KYAT1: variants seen among roughly 807,000 people sequenced by gnomAD.
KYAT1 encodes the protein kynurenine aminotransferase 1.
A neutral mutation model predicts 52.4 loss-of-function variants in KYAT1; 47 were observed. That is an observed-to-expected ratio of 0.90 (90% CI 0.71 to 1.14). The LOEUF (loss-of-function observed/expected upper bound fraction) is 1.14, where lower values mean the gene tolerates loss of function less well. Among genes scored for constraint, KYAT1 ranks in the 50% most tolerant of loss-of-function variants. KYAT1 has a pLI of 0.00. For missense variants in KYAT1, 480 were observed against 557.9 expected, an observed-to-expected ratio of 0.86 and a Z score of 1.41; for synonymous variants, 212 against 209.6, an observed-to-expected ratio of 1.01 and a Z score of -0.10.
rs186280913 is a variant in KYAT1, at chr9:128,846,540, A to G, written c.-6-1129T>C. The G allele has an allele frequency of 1.2e-4, 66 of 559,552 alleles. 1 individual carries two copies. The highest frequency in any genetic ancestry group is 4.9e-4 in the Middle Eastern group (1 of 2,030). 34.7% of individuals were successfully genotyped at this position (559,552 alleles called of 1,614,324 possible). A position where few individuals can be genotyped will look rare whatever the true frequency, so the allele number is the denominator to read the frequency against. ...CTTGAACCTGGGAGATGGAGATTGC[A>G]GTGGGCCAAGATCGTGCCAGCCACT... On this transcript the variant is annotated intron_variant, in intron 1 of 12. Coordinates refer to ENST00000302586, the MANE Select transcript of KYAT1 (RefSeq NM_004059.5).
chr9:128,853,722 C>T (rs961858889), intron 1 of KYAT1, among the ~76,000 whole-genome samples: 19 of 152,184 alleles, frequency 1.2e-4, no homozygotes, highest in African/African-American at 3.4e-4. Flanking sequence ...ATAAAAACTT[C>T]GTGCCTTGAC....
chr9:128,868,939 CAT>C (rs889337112), intron 1 of KYAT1, among the ~76,000 whole-genome samples: 2 of 151,908 alleles, frequency 1.3e-5, no homozygotes, highest in Non-Finnish European at 2.9e-5. Flanking sequence ...CTCCTGACCT[CAT>C]GATCTGCCCA....
chr9:128,836,038 T>G lies in KYAT1; in HGVS notation c.724A>C (p.Ile242Leu). The change falls in exon 8 of 13, where the codon ATC becomes CTC. Residue 242 changes from isoleucine (I) to leucine (L), a missense_variant. By Grantham distance (5) the Ile-to-Leu change is conservative. Coordinates refer to ENST00000302586, the MANE Select transcript of KYAT1 (RefSeq NM_004059.5). Reference protein sequence around the residue: ...LPGMWERTLTIGSAGKTFSAT... With the variant: ...LPGMWERTLTLGSAGKTFSAT... ...CTGAAGGTCTTGCCGGCGCTGCCGA[T>G]GGTCAGGGTCCGTTCCCACATGCCA... is the stretch of plus-strand genomic sequence containing the variant. The G allele has an allele frequency of 6.2e-7, 1 of 1,613,860 alleles. No homozygotes were observed. Among genetic ancestry groups the G allele is most frequent in the Non-Finnish European group, 8.5e-7 (1 of 1,179,830 alleles).
In KYAT1 at chr9:128,833,363, A is replaced by G; in HGVS notation, c.*221T>C. 3.3e-6 allele frequency: 2 copies of G among 610,716 alleles called. No homozygotes were observed. Among genetic ancestry groups the G allele is most frequent in the South Asian group, 3.9e-5 (2 of 51,300 alleles). 37.8% of individuals were successfully genotyped at this position (610,716 alleles called of 1,614,324 possible). The stretch of plus-strand genomic sequence containing the variant: ...AACCCACCTATGGAGGGGCAGGGAG[A>G]GGCCCAGGTCAGGCCACCCTCACCT... On this transcript the variant is annotated 3_prime_UTR_variant, in exon 13 of 13. Coordinates refer to ENST00000302586, the MANE Select transcript of KYAT1 (RefSeq NM_004059.5).
chr9:128,867,202 C>T (rs1836515899), intron 1 of KYAT1, among the ~76,000 whole-genome samples: 1 of 152,170 alleles, frequency 6.6e-6, no homozygotes. Context: ...TGTTTTGAGA[C>T]AGGGTCTTGC....
rs369955556 is a variant in KYAT1 at position 128,840,568 on chromosome 9, GA to G, written c.201+2085del. On this transcript the variant is annotated intron_variant, in intron 3 of 12. Coordinates refer to ENST00000302586, the MANE Select transcript of KYAT1 (RefSeq NM_004059.5). ...ACCCAGCTTTTGTCTCTAGTTAAAA[GA>G]AAAAAAAAAGAAAGAAAGAAAGAAA... 1,153 of 290,212 alleles carry G rather than the reference GA, an allele frequency of 4.0e-3. 4 individuals are homozygous for G. The highest frequency in any genetic ancestry group is 0.027 in the East Asian group (252 of 9,406). 18.0% of individuals were successfully genotyped at this position (290,212 alleles called of 1,614,324 possible). A position where few individuals can be genotyped will look rare whatever the true frequency, so the allele number is the denominator to read the frequency against.
At chr9:128,843,116 G>A (rs1333695107) in intron 2 of KYAT1, among the ~76,000 whole-genome samples, 1 of 152,042 alleles carries the variant, frequency 6.6e-6, no homozygotes, top group Non-Finnish European at 1.5e-5. Context: ...GAAGTGAGCC[G>A]AGATCGCACC....
rs1475073068 is a variant in KYAT1, at chr9:128,833,381, C to CCTCA, written c.*199_*202dup. The stretch of plus-strand genomic sequence containing the variant: ...CAGGGAGAGGCCCAGGTCAGGCCAC[C>CCTCA]CTCACCTTTCAGACAGGAGGCACTT... On this transcript the variant is annotated 3_prime_UTR_variant, in exon 13 of 13. Coordinates refer to ENST00000302586, the MANE Select transcript of KYAT1 (RefSeq NM_004059.5). The CCTCA allele has an allele frequency of 3.2e-6, 2 of 634,576 alleles. No individual in the cohort carries two copies. Among genetic ancestry groups the CCTCA allele is most frequent in the Non-Finnish European group, 2.8e-6 (1 of 360,312 alleles). 39.3% of individuals were successfully genotyped at this position (634,576 alleles called of 1,614,324 possible).
rs976577809 is a variant in KYAT1 at position 128,837,899 on chromosome 9, C to T, written c.439-86G>A. On this transcript the variant is annotated intron_variant, in intron 5 of 12. Coordinates refer to ENST00000302586, the MANE Select transcript of KYAT1 (RefSeq NM_004059.5). ...AGCATCTATCCCCACCTTCTCTCCC[C>T]TGGGATCCCAACACACACACCTCCC... 10 of 1,543,302 alleles carry T rather than the reference C, an allele frequency of 6.5e-6. No homozygotes were observed. The African/African-American group carries it at 1.1e-4, about 17-fold the overall frequency.
At chr9:128,852,238 A>C (rs1157790495) in intron 1 of KYAT1, among the ~76,000 whole-genome samples, 2 of 152,210 alleles carry the variant, frequency 1.3e-5, no homozygotes, top group African/African-American at 4.8e-5. Flanking sequence ...TAATGCCATA[A>C]TACAACCCAT....
At chr9:128,841,286 C>CCT in intron 3 of KYAT1, among the ~76,000 whole-genome samples, 2 of 152,120 alleles carry the variant, frequency 1.3e-5, no homozygotes. Context: ...AGGCGAATCA[C>CCT]GAGGTCGGGA....
intron 1 of KYAT1, among the ~76,000 whole-genome samples, chr9:128,854,097 C>T (rs1834296436): frequency 6.6e-6 from 1 of 152,100 alleles, no homozygotes; most frequent in African/African-American, 2.4e-5. Context: ...TAAAGCATTT[C>T]AAAAATTCTT....
chr9:128,859,414 T>C (rs1434040867), intron 1 of KYAT1, among the ~76,000 whole-genome samples: 1 of 151,944 alleles, frequency 6.6e-6, no homozygotes. Flanking sequence ...CTGCCTGTAA[T>C]CCCAGCACTT....
At chr9:128,839,755 TACA>T (rs1360500676) in intron 3 of KYAT1, among the ~76,000 whole-genome samples, 1 of 152,214 alleles carries the variant, frequency 6.6e-6, no homozygotes, top group Non-Finnish European at 1.5e-5. Context: ...AAATTTTCTG[TACA>T]ACAAGAGGCA....
At chr9:128,849,495 T>C (rs1833617330) in intron 1 of KYAT1, among the ~76,000 whole-genome samples, 1 of 151,110 alleles carries the variant, frequency 6.6e-6, no homozygotes, top group South Asian at 2.1e-4. Context: ...AATATCCACA[T>C]GTAAATGAAT....
intron 1 of KYAT1, among the ~76,000 whole-genome samples, chr9:128,874,451 A>G (rs1837672371): frequency 6.6e-6 from 1 of 150,772 alleles, no homozygotes; most frequent in Non-Finnish European, 1.5e-5. Context: ...TGCTGAGACA[A>G]TAAGCACGAA....
intron 3 of KYAT1, 39 bp downstream of exon 3, chr9:128,842,615 T>G (rs764563739): frequency 1.4e-5 from 23 of 1,600,026 alleles, no homozygotes; most frequent in Middle Eastern, 3.3e-4. Context: ...CCTGTCCCCT[T>G]CCTCCCCCAG....
intron 6 of KYAT1, 115 bp from the exon 7 acceptor site, chr9:128,837,037 T>A: frequency 1.5e-6 from 2 of 1,350,766 alleles, no homozygotes; most frequent in Non-Finnish European, 2.0e-6. Flanking sequence ...CTCACGCCTG[T>A]AATCCTAGCA....
intron 1 of KYAT1, chr9:128,860,209 C>T (rs1835265678): frequency 6.6e-6 from 1 of 152,176 alleles, no homozygotes; most frequent in South Asian, 2.1e-4. Flanking sequence ...ATACTGCCAC[C>T]CACATTGAGA....
Sources: gnomAD v4.1 joint callset for allele counts (sites outside exome capture counted in the v4.1 genomes callset) on GRCh38, gnomAD v4.1.1 for gene constraint, MANE v1.5 for transcripts, NCBI Gene and HGNC (gene_info 2026-07-23, HGNC 2026-07-21) for gene names.